Variants in SDK1 observed in about 807,000 individuals in gnomAD.
The protein encoded by SDK1 is sidekick cell adhesion molecule 1.
SDK1 carries 157 observed loss-of-function variants against 245.5 expected under a neutral mutation model. That is an observed-to-expected ratio of 0.64 (90% CI 0.56 to 0.73). SDK1 has a LOEUF of 0.73. Among genes scored for constraint, SDK1 ranks in the 30% least tolerant of loss-of-function variants. SDK1 has a pLI of 0.00. For synonymous variants in SDK1, 1,647 were observed against 1,278.5 expected (o/e 1.29, Z -6.15); for missense variants, 3,583 against 3,002.3 (o/e 1.19, Z -4.52).
intron 1 of SDK1, among the ~76,000 whole-genome samples, chr7:3,371,508 G>A (rs1285602612): frequency 1.3e-5 from 2 of 152,074 alleles, no homozygotes; most frequent in East Asian, 3.9e-4. Flanking sequence ...CCCTAAGGGG[G>A]AAAAGACTGA....
chr7:3,851,663 A>T (rs1273718983), intron 5 of SDK1, among the ~76,000 whole-genome samples: 1 of 152,056 alleles, frequency 6.6e-6, no homozygotes, highest in African/African-American at 2.4e-5. Context: ...GGGCGGCTTG[A>T]TATATGTGAT....
chr7:3,792,764 A>G (rs573584315), intron 4 of SDK1, among the ~76,000 whole-genome samples: 13 of 151,316 alleles, frequency 8.6e-5, no homozygotes, highest in Admixed American at 3.3e-4. Context: ...CTCCCCCTCC[A>G]GTCTCCCATC....
In SDK1 at chr7:4,139,597, GTATATA is replaced by G. The variant is rs1197494551; in HGVS notation, c.4229-6123_4229-6118del. 1.1e-3 allele frequency among the ~76,000 whole-genome samples: 87 copies of G among 79,584 alleles called. 5 individuals carry two copies. The highest frequency in any genetic ancestry group is 5.4e-3 in the South Asian group (12 of 2,216). The allele number at this position is 79,584 out of a possible 152,430, so 52.2% of individuals were successfully genotyped here. On this transcript the variant is annotated intron_variant, in intron 28 of 44. Transcript: ENST00000404826. ...TGTGTGTGTGTATGTGTGTGTATATGTATATATGTGTGTGTATATGTGTGTGTGTAT... is the reference window on the plus strand; with the variant it reads ...TGTGTGTGTGTATGTGTGTGTATATGTGTGTGTGTATATGTGTGTGTGTAT...
chr7:4,240,920 A>G (rs1324811113), intron 42 of SDK1, among the ~76,000 whole-genome samples: 1 of 152,176 alleles, frequency 6.6e-6, no homozygotes, highest in Non-Finnish European at 1.5e-5. Flanking sequence ...GGGCTGGAAG[A>G]TGACGCGGGG....
chr7:4,184,281 A>G (rs1782756510), intron 35 of SDK1, among the ~76,000 whole-genome samples: 1 of 152,214 alleles, frequency 6.6e-6, no homozygotes, highest in African/African-American at 2.4e-5. Flanking sequence ...TCCCATAGGT[A>G]AGCGTGCAGG....
At chr7:3,734,020 T>C (rs1345729594) in intron 4 of SDK1, among the ~76,000 whole-genome samples, 1 of 152,162 alleles carries the variant, frequency 6.6e-6, no homozygotes, top group Non-Finnish European at 1.5e-5. Context: ...TGGGAACAGA[T>C]CCAGATCTGC....
intron 1 of SDK1, among the ~76,000 whole-genome samples, chr7:3,526,952 G>A (rs1224182599): frequency 6.6e-6 from 1 of 152,104 alleles, no homozygotes; most frequent in Non-Finnish European, 1.5e-5. Flanking sequence ...GTTCAGACAG[G>A]AGGTTGTCAG....
intron 1 of SDK1, among the ~76,000 whole-genome samples, chr7:3,327,397 A>G (rs1341456331): frequency 1.3e-5 from 2 of 152,036 alleles, no homozygotes; most frequent in Admixed American, 1.3e-4. Context: ...CTTAGCTTTT[A>G]TTGATTTTAT....
chr7:4,041,649 C>T (rs1329167216), intron 17 of SDK1, among the ~76,000 whole-genome samples: 1 of 91,762 alleles, frequency 1.1e-5, no homozygotes, highest in Middle Eastern at 4.6e-3. Context: ...CTTTTGCTGT[C>T]TCCATAGTTT....
chr7:3,393,832 T>A (rs191385449), intron 1 of SDK1, among the ~76,000 whole-genome samples: 57 of 152,314 alleles, frequency 3.7e-4, no homozygotes, highest in African/African-American at 1.3e-3. Flanking sequence ...TCTTAAGGAT[T>A]GTTCACTGTT....
In SDK1 at chr7:3,828,607, C is replaced by T. The variant is rs563032617; in HGVS notation, c.847+7024C>T. On this transcript the variant is annotated intron_variant, in intron 5 of 44. Transcript: ENST00000404826. ...GGTTTGTTTTGGTTTGGTTTGCCCC[C>T]GAGTCATATGGTTAAAAACATTTTT... Among the ~76,000 whole-genome samples the T allele has an allele frequency of 7.4e-5, 11 of 149,608 alleles. No homozygotes were observed. The East Asian group carries it at 9.7e-4, about 13-fold the overall frequency.
At chr7:4,063,212 A>G (rs1779649500) in intron 19 of SDK1, among the ~76,000 whole-genome samples, 1 of 152,214 alleles carries the variant, frequency 6.6e-6, no homozygotes, top group Non-Finnish European at 1.5e-5. Flanking sequence ...CCTAGACTCC[A>G]CCAAAAAACT....
intron 5 of SDK1, among the ~76,000 whole-genome samples, chr7:3,926,169 C>G (rs140557482): frequency 6.7e-4 from 102 of 152,228 alleles, no homozygotes; most frequent in African/African-American, 2.3e-3. Context: ...CATGCATTCC[C>G]GTGGGAAGGG....
At chr7:3,327,204 G>T (rs1377139984) in intron 1 of SDK1, among the ~76,000 whole-genome samples, 3 of 152,122 alleles carry the variant, frequency 2.0e-5, no homozygotes, top group Non-Finnish European at 2.9e-5. Context: ...AGAGAATAGT[G>T]TCACACAGGG....
At chr7:3,967,515 C>G in intron 10 of SDK1, 81 bp downstream of exon 10, 3 of 856,044 alleles carry the variant, frequency 3.5e-6, no homozygotes, top group South Asian at 1.4e-5. Flanking sequence ...CTTATTCACT[C>G]TCTTGTTTAT....
intron 4 of SDK1, among the ~76,000 whole-genome samples, chr7:3,780,178 C>G (rs1187167855): frequency 6.6e-6 from 1 of 152,192 alleles, no homozygotes; most frequent in Non-Finnish European, 1.5e-5. Flanking sequence ...CTCACTCTGA[C>G]CACACTGCCC....
intron 4 of SDK1, among the ~76,000 whole-genome samples, chr7:3,766,009 C>T (rs1780241352): frequency 6.6e-6 from 1 of 152,124 alleles, no homozygotes; most frequent in Non-Finnish European, 1.5e-5. Flanking sequence ...GAATTGATCA[C>T]TTGCTTCACA....
At position 4,220,352 on chromosome 7, in the gene SDK1, A is replaced by G. The variant is rs1443470560; in HGVS notation, c.5701+82A>G. 4 of 1,446,868 alleles carry G rather than the reference A, an allele frequency of 2.8e-6. No homozygotes were observed. In the African/African-American group the frequency reaches 5.6e-5, roughly 20 times the overall value. 89.6% of individuals were successfully genotyped at this position (1,446,868 alleles called of 1,614,324 possible). A position where few individuals can be genotyped will look rare whatever the true frequency, so the allele number is the denominator to read the frequency against. ...TGCTTCACTGAGCTGAGATCCATCT[A>G]CATGGTCAACAAGGTGATGTTGGCG... On this transcript the variant is annotated intron_variant, in intron 39 of 44. Transcript: ENST00000404826.
chr7:3,861,419 T>A (rs1194345630), intron 5 of SDK1, among the ~76,000 whole-genome samples: 1 of 152,168 alleles, frequency 6.6e-6, no homozygotes, highest in Non-Finnish European at 1.5e-5. Flanking sequence ...TGTAGGAGGG[T>A]AGTAATCACT....
Sources: gnomAD v4.1 joint callset for allele counts (sites outside exome capture counted in the v4.1 genomes callset) on GRCh38, gnomAD v4.1.1 for gene constraint, MANE v1.5 for transcripts, NCBI Gene and HGNC (gene_info 2026-07-23, HGNC 2026-07-21) for gene names.